The following CDYL2 variants were observed in gnomAD, a reference collection of about 807,000 sequenced individuals.
CDYL2 encodes the protein chromodomain Y like 2.
A neutral mutation model predicts 49.4 loss-of-function variants in CDYL2; 23 were observed. The ratio of observed to expected loss-of-function variants is 0.47; its 90% CI spans 0.34 to 0.66. CDYL2 has a LOEUF of 0.66. Among genes scored for constraint, CDYL2 ranks in the 30% least tolerant of loss-of-function variants. The pLI is 0.01. For synonymous variants in CDYL2, 360 were observed against 268.8 expected, an observed-to-expected ratio of 1.34 and a Z score of -3.32; for missense variants, 678 against 656.4, an observed-to-expected ratio of 1.03 and a Z score of -0.36.
In CDYL2 at chr16:80,753,367, G is replaced by A. The variant is rs555074815; in HGVS notation, c.24+50783C>T. Among the ~76,000 whole-genome samples the A allele has an allele frequency of 2.6e-5, 4 of 152,260 alleles. No homozygotes were observed. In the South Asian group the frequency reaches 8.3e-4, roughly 32 times the overall value. ...CTCACACCTGTAACCCCAGCATTTTGGTAGGGCGAGGTGGGCGGATCACCT... is the reference window on the plus strand; with the variant it reads ...CTCACACCTGTAACCCCAGCATTTTAGTAGGGCGAGGTGGGCGGATCACCT... On this transcript the variant is annotated intron_variant, in intron 1 of 6. Transcript: ENST00000570137.
intron 1 of CDYL2, among the ~76,000 whole-genome samples, chr16:80,699,584 G>A (rs1488128389): frequency 1.3e-5 from 2 of 152,146 alleles, no homozygotes; most frequent in African/African-American, 4.8e-5. Flanking sequence ...GAAGGATTAA[G>A]TTTTAATGTT....
At chr16:80,706,543 T>A (rs1904410675) in intron 1 of CDYL2, among the ~76,000 whole-genome samples, 1 of 152,180 alleles carries the variant, frequency 6.6e-6, no homozygotes, top group African/African-American at 2.4e-5. Context: ...TGGAAGGAAT[T>A]CATGACTGAG....
intron 1 of CDYL2, among the ~76,000 whole-genome samples, chr16:80,762,734 C>G (rs983558807): frequency 3.9e-5 from 6 of 152,152 alleles, no homozygotes; most frequent in Non-Finnish European, 8.8e-5. Context: ...TCATCAATTG[C>G]AAGTGTCCAG....
chr16:80,781,957 G>T lies in CDYL2; in HGVS notation c.24+22193C>A, dbSNP rs78258139. ...ACCTACATTAAAAAAGAAAAAAAAA[G>T]ACATCAATAACCTAACTGCATATCT... On this transcript the variant is annotated intron_variant, in intron 1 of 6. Coordinates refer to ENST00000570137, the MANE Select transcript of CDYL2 (RefSeq NM_152342.4). Among the ~76,000 whole-genome samples, 281 of 151,650 alleles carry T rather than the reference G, an allele frequency of 1.9e-3. 6 individuals are homozygous for T. In the East Asian group the frequency reaches 0.04, roughly 22 times the overall value.
intron 1 of CDYL2, among the ~76,000 whole-genome samples, chr16:80,794,306 G>T (rs559509976): frequency 6.6e-6 from 1 of 152,290 alleles, no homozygotes; most frequent in South Asian, 2.1e-4. Context: ...TTTGACTGGG[G>T]TGACTGTGCT....
At chr16:80,616,231 T>C (rs1235240700) in intron 4 of CDYL2, among the ~76,000 whole-genome samples, 1 of 152,214 alleles carries the variant, frequency 6.6e-6, no homozygotes, top group African/African-American at 2.4e-5. Context: ...TTTCTCCCTC[T>C]GTAAAATGGG....
chr16:80,651,938 C>T (rs145728917), intron 2 of CDYL2, among the ~76,000 whole-genome samples: 282 of 152,180 alleles, frequency 1.9e-3, no homozygotes, highest in African/African-American at 6.6e-3. Flanking sequence ...TACAGATAAG[C>T]AAAAGGAGAA....
rs770835171 is a variant in CDYL2, at chr16:80,684,766, T to C, written c.388A>G (p.Arg130Gly). 2 of 1,614,116 alleles carry C rather than the reference T, an allele frequency of 1.2e-6. No individual in the cohort carries two copies. The highest frequency in any genetic ancestry group is 1.7e-6 in the Non-Finnish European group (2 of 1,180,042). ...YSGKPSSGGD[R>G]ATKTVSYRTT... The stretch of plus-strand genomic sequence containing the variant: ...CTGTAAGACACCGTCTTGGTGGCCC[T>C]GTCACCTCCTGAAGAGGGCTTGCCT... The change falls in exon 2 of 7, where the codon AGG (arginine) becomes GGG (glycine). Residue 130 changes from arginine (R) to glycine (G), a missense_variant. Coordinates refer to ENST00000570137, the MANE Select transcript of CDYL2 (RefSeq NM_152342.4).
intron 2 of CDYL2, among the ~76,000 whole-genome samples, chr16:80,653,710 C>T (rs888217286): frequency 6.6e-6 from 1 of 152,164 alleles, no homozygotes; most frequent in Non-Finnish European, 1.5e-5. Flanking sequence ...TCTAGTTACA[C>T]TCTTTAAGCT....
At chr16:80,680,316 C>A (rs1003010291) in intron 2 of CDYL2, among the ~76,000 whole-genome samples, 1 of 152,196 alleles carries the variant, frequency 6.6e-6, no homozygotes, top group Non-Finnish European at 1.5e-5. Context: ...GGATCTTAAA[C>A]GTCCTTTCAG....
At chr16:80,682,995 C>G (rs1379989296) in intron 2 of CDYL2, among the ~76,000 whole-genome samples, 1 of 152,166 alleles carries the variant, frequency 6.6e-6, no homozygotes, top group Non-Finnish European at 1.5e-5. Context: ...AGCCTCAACA[C>G]GGATTGCTCA....
intron 2 of CDYL2, among the ~76,000 whole-genome samples, chr16:80,633,793 C>T (rs569964301): frequency 2.0e-5 from 3 of 152,350 alleles, no homozygotes; most frequent in African/African-American, 7.2e-5. Context: ...TTAGGTCTCT[C>T]TCTTCCTCTC....
chr16:80,659,050 G>A (rs933393285), intron 2 of CDYL2, among the ~76,000 whole-genome samples: 3 of 109,170 alleles, frequency 2.7e-5, no homozygotes, highest in African/African-American at 1.3e-4. Flanking sequence ...CACGATAGAG[G>A]TGATGGATGG....
chr16:80,600,833 C>T lies in CDYL2; in HGVS notation c.*3555G>A, dbSNP rs1023260290. 1.3e-5 allele frequency: 2 copies of T among 152,032 alleles called. No individual in the cohort carries two copies. The highest frequency in any genetic ancestry group is 2.9e-5 in the Non-Finnish European group (2 of 68,026). The allele number at this position is 152,032 out of a possible 1,614,324, so 9.4% of individuals were successfully genotyped here. A position where few individuals can be genotyped will look rare whatever the true frequency, so the allele number is the denominator to read the frequency against. On this transcript the variant is annotated 3_prime_UTR_variant, in exon 7 of 7. Transcript: ENST00000570137. ...TAAAACCAAAAATTAATGGGAAATG[C>T]AATTCAGCATTCAGTGAAGGCTATT...
intron 1 of CDYL2, among the ~76,000 whole-genome samples, chr16:80,723,526 T>TGA (rs1905070721): frequency 6.6e-6 from 1 of 152,144 alleles, no homozygotes; most frequent in Non-Finnish European, 1.5e-5. Context: ...ACAGCCCAGG[T>TGA]GAGACTGACC....
intron 1 of CDYL2, among the ~76,000 whole-genome samples, chr16:80,748,538 A>AAAC (rs1906018126): frequency 2.0e-5 from 3 of 148,292 alleles, no homozygotes; most frequent in Non-Finnish European, 3.0e-5. Flanking sequence ...AAAAAAAAAA[A>AAAC]AACTCAGGTG....
At position 80,615,231 on chromosome 16, in the gene CDYL2, C is replaced by A. The variant is rs567912374; in HGVS notation, c.1008-2395G>T. ...TCTCCTGACATCACTCACTTCCTAACCTAATGGTGAGGTTTTCGGTTAGGT... is the reference window on the plus strand; with the variant it reads ...TCTCCTGACATCACTCACTTCCTAAACTAATGGTGAGGTTTTCGGTTAGGT... On this transcript the variant is annotated intron_variant, in intron 4 of 6. Coordinates refer to ENST00000570137, the MANE Select transcript of CDYL2 (RefSeq NM_152342.4). Among the ~76,000 whole-genome samples, 18 of 152,146 alleles carry A rather than the reference C, an allele frequency of 1.2e-4. No homozygotes were observed. In the South Asian group the frequency reaches 3.3e-3, roughly 28 times the overall value.
chr16:80,765,869 T>C (rs1597122887), intron 1 of CDYL2, among the ~76,000 whole-genome samples: 1 of 89,176 alleles, frequency 1.1e-5, no homozygotes, highest in Non-Finnish European at 2.0e-5. Context: ...TGCAAGACCC[T>C]CATCTACAAA....
chr16:80,752,218 G>T lies in CDYL2; in HGVS notation c.24+51932C>A, dbSNP rs116101790. Among the ~76,000 whole-genome samples, 3 of 152,208 alleles carry T rather than the reference G, an allele frequency of 2.0e-5. No homozygotes were observed. The East Asian group carries it at 5.8e-4, about 29-fold the overall frequency. ...AATTAGTAAAATGAATGATAGGTTAGAAGACAACATCCAGACAGCAACAAG... is the reference window on the plus strand; with the variant it reads ...AATTAGTAAAATGAATGATAGGTTATAAGACAACATCCAGACAGCAACAAG... On this transcript the variant is annotated intron_variant, in intron 1 of 6. Coordinates refer to ENST00000570137, the MANE Select transcript of CDYL2 (RefSeq NM_152342.4).
Sources: gnomAD v4.1 joint callset for allele counts (sites outside exome capture counted in the v4.1 genomes callset) on GRCh38, gnomAD v4.1.1 for gene constraint, MANE v1.5 for transcripts, NCBI Gene and HGNC (gene_info 2026-07-23, HGNC 2026-07-21) for gene names.